The following SDK1 variants were observed in gnomAD, a reference collection of about 807,000 sequenced individuals.
The protein encoded by SDK1 is protein sidekick-1.
SDK1 carries 157 observed loss-of-function variants against 245.5 expected under a neutral mutation model. That is an observed-to-expected ratio of 0.64 (90% CI 0.56 to 0.73). SDK1 has a LOEUF of 0.73. SDK1 is among the 30% of genes least tolerant of loss of function. The pLI, the probability that SDK1 is intolerant of heterozygous loss-of-function variation, is 0.00. For missense variants in SDK1, 3,583 were observed against 3,002.3 expected (o/e 1.19, Z -4.52); for synonymous variants, 1,647 against 1,278.5 (o/e 1.29, Z -6.15).
chr7:4,183,363 C>T (rs1385254374), intron 35 of SDK1, among the ~76,000 whole-genome samples: 1 of 152,058 alleles, frequency 6.6e-6, no homozygotes. Flanking sequence ...AGGCTGGGTG[C>T]GGTGGTTCAT....
chr7:3,711,761 G>A (rs1344252331), intron 4 of SDK1, among the ~76,000 whole-genome samples: 1 of 152,136 alleles, frequency 6.6e-6, no homozygotes, highest in African/African-American at 2.4e-5. Flanking sequence ...AGGCCCTGGA[G>A]GCCATTGAGG....
chr7:4,218,579 G>A (rs567529487), intron 38 of SDK1, among the ~76,000 whole-genome samples: 3 of 152,192 alleles, frequency 2.0e-5, no homozygotes, highest in Non-Finnish European at 2.9e-5. Context: ...GTAGGAAGGC[G>A]CTTTGTTCTG....
chr7:4,198,415 C>G (rs921314848), intron 35 of SDK1, among the ~76,000 whole-genome samples: 1 of 152,230 alleles, frequency 6.6e-6, no homozygotes, highest in Non-Finnish European at 1.5e-5. Flanking sequence ...ACTTGACGCA[C>G]CAGCTCCCAG....
intron 5 of SDK1, among the ~76,000 whole-genome samples, chr7:3,944,574 G>A (rs776703548): frequency 7.9e-5 from 12 of 152,116 alleles, no homozygotes; most frequent in Non-Finnish European, 1.2e-4. Flanking sequence ...AAATAAAGAG[G>A]TTGTTTCATT....
At chr7:3,788,022 ACT>A (rs959344952) in intron 4 of SDK1, among the ~76,000 whole-genome samples, 7 of 152,068 alleles carry the variant, frequency 4.6e-5, no homozygotes, top group African/African-American at 1.7e-4. Flanking sequence ...CTTGGAAGTG[ACT>A]CTGAGAATCA....
rs185247914 is a variant in SDK1 at position 3,436,255 on chromosome 7, T to C, written c.298+134371T>C. On this transcript the variant is annotated intron_variant, in intron 1 of 44. Coordinates refer to ENST00000404826, the MANE Select transcript of SDK1 (RefSeq NM_152744.4). ...TTCAGTGGTATTTTATGGCTGACTT[T>C]AGAAAACTTTTTAGATAGGATTTCT... Among the ~76,000 whole-genome samples the C allele has an allele frequency of 4.9e-3, 751 of 152,268 alleles. 3 individuals carry two copies. The highest frequency in any genetic ancestry group is 7.5e-3 in the Admixed American group (115 of 15,294).
intron 17 of SDK1, among the ~76,000 whole-genome samples, chr7:4,040,475 C>G (rs759301097): frequency 3.9e-5 from 6 of 152,136 alleles, no homozygotes; most frequent in South Asian, 2.1e-4. Flanking sequence ...CTGACGAAAT[C>G]AAGGACCCGG....
At chr7:3,672,798 A>G (rs1159132043) in intron 4 of SDK1, among the ~76,000 whole-genome samples, 2 of 34,750 alleles carry the variant, frequency 5.8e-5, no homozygotes, top group Non-Finnish European at 1.1e-4. Flanking sequence ...TATATATAAA[A>G]AATACAGAAA....
chr7:3,666,883 C>G (rs1235981844), intron 4 of SDK1, among the ~76,000 whole-genome samples: 1 of 152,160 alleles, frequency 6.6e-6, no homozygotes, highest in Admixed American at 6.5e-5. Flanking sequence ...TTGTCTGCAT[C>G]TGCTATCCGT....
chr7:4,080,206 C>A (rs1026982885), intron 22 of SDK1, among the ~76,000 whole-genome samples: 7 of 151,958 alleles, frequency 4.6e-5, no homozygotes, highest in Non-Finnish European at 7.4e-5. Flanking sequence ...GAGCTGGGGG[C>A]GGGTTCCACA....
chr7:3,584,214 T>C (rs1780608770), intron 1 of SDK1, among the ~76,000 whole-genome samples: 2 of 152,166 alleles, frequency 1.3e-5, no homozygotes. Context: ...TTAATATGCT[T>C]TGTGACTGTA....
At chr7:3,986,529 T>TA (rs1583734740) in intron 13 of SDK1, among the ~76,000 whole-genome samples, 2 of 152,360 alleles carry the variant, frequency 1.3e-5, no homozygotes, top group East Asian at 3.9e-4. Flanking sequence ...CTTCTAGTTG[T>TA]AAAAAACAAA....
chr7:3,552,535 C>A (rs1344441373), intron 1 of SDK1, among the ~76,000 whole-genome samples: 1 of 152,178 alleles, frequency 6.6e-6, no homozygotes, highest in Non-Finnish European at 1.5e-5. Flanking sequence ...CATTTATGAT[C>A]CATATTTTTT....
intron 1 of SDK1, among the ~76,000 whole-genome samples, chr7:3,347,577 C>G (rs1253576289): frequency 1.3e-5 from 2 of 152,158 alleles, no homozygotes; most frequent in Non-Finnish European, 2.9e-5. Flanking sequence ...TCATTTCTGA[C>G]CAATTTTTAG....
intron 5 of SDK1, among the ~76,000 whole-genome samples, chr7:3,946,681 A>T (rs1025898058): frequency 6.6e-6 from 1 of 152,102 alleles, no homozygotes; most frequent in Non-Finnish European, 1.5e-5. Context: ...ATTTAAGGAT[A>T]CTCTAGCTAA....
At chr7:4,056,435 G>C (rs1048747291) in intron 19 of SDK1, among the ~76,000 whole-genome samples, 16 of 152,144 alleles carry the variant, frequency 1.1e-4, no homozygotes, top group Admixed American at 3.9e-4. Context: ...ACTTCAAATA[G>C]ATCCAAGAGA....
intron 4 of SDK1, among the ~76,000 whole-genome samples, chr7:3,801,758 C>T (rs1268010251): frequency 6.6e-6 from 1 of 152,150 alleles, no homozygotes; most frequent in Non-Finnish European, 1.5e-5. Context: ...TGGAACACGC[C>T]CAGCCTGTCC....
chr7:3,543,073 C>G (rs1038073364), intron 1 of SDK1, among the ~76,000 whole-genome samples: 1 of 152,178 alleles, frequency 6.6e-6, no homozygotes, highest in Non-Finnish European at 1.5e-5. Context: ...AGGCATAATT[C>G]CTATTTGTAT....
At chr7:3,941,947 C>T (rs1388126182) in intron 5 of SDK1, among the ~76,000 whole-genome samples, 5 of 138,154 alleles carry the variant, frequency 3.6e-5, no homozygotes, top group South Asian at 2.3e-4. Flanking sequence ...CTTGCTCTGT[C>T]GCCCAAGCTG....
Sources: allele counts gnomAD v4.1 joint callset (sites outside exome capture counted in the v4.1 genomes callset), GRCh38; gene constraint gnomAD v4.1.1; transcripts MANE v1.5; gene names NCBI Gene and HGNC (gene_info 2026-07-23, HGNC 2026-07-21).